SRGAP2C: variants seen among roughly 807,000 people sequenced by gnomAD.
SRGAP2C encodes SLIT-ROBO Rho GTPase-activating protein 2C.
In SRGAP2C, 15 loss-of-function variants were observed where a neutral mutation model predicts 25.1. The ratio of observed to expected loss-of-function variants is 0.60; its 90% CI spans 0.40 to 0.92. SRGAP2C has a LOEUF of 0.92. Ranked by LOEUF, SRGAP2C falls within the 40% of genes least tolerant of loss-of-function variation. SRGAP2C has a pLI of 0.00. For synonymous variants in SRGAP2C, 44 were observed against 96.6 expected (o/e 0.46, Z 3.19); for missense variants, 144 against 264.4 (o/e 0.54, Z 3.16).
chr1:121,328,349 CTGTT>C (rs1397480895), intron 4 of SRGAP2C, among the ~76,000 whole-genome samples: 8 of 148,936 alleles, frequency 5.4e-5, no homozygotes, highest in African/African-American at 2.5e-5. Flanking sequence ...GAATTTGGGT[CTGTT>C]TGTCACTAGC....
chr1:121,211,484 C>A (rs1396866928), intron 2 of SRGAP2C, among the ~76,000 whole-genome samples: 1 of 151,300 alleles, frequency 6.6e-6, no homozygotes, highest in African/African-American at 2.4e-5. Context: ...TAGGATCTCC[C>A]AGAAGATAAT....
chr1:121,277,440 T>G (rs1401048075), intron 2 of SRGAP2C, among the ~76,000 whole-genome samples: 8 of 151,062 alleles, frequency 5.3e-5, no homozygotes, highest in African/African-American at 1.9e-4. Flanking sequence ...TGAGATGAGG[T>G]CTTGCTATGT....
At position 121,346,809 on chromosome 1, in the gene SRGAP2C, G is replaced by A. The variant is rs1364513110; in HGVS notation, c.424-18484G>A. ...GAAGGAATAGTTACATGTCCCAGGCGGGAGGTCATGACAGTTGGATCTGTG... is the reference window on the plus strand; with the variant it reads ...GAAGGAATAGTTACATGTCCCAGGCAGGAGGTCATGACAGTTGGATCTGTG... On this transcript the variant is annotated intron_variant, in intron 4 of 9. Transcript: ENST00000367123. Among the ~76,000 whole-genome samples the A allele has an allele frequency of 9.9e-5, 15 of 151,308 alleles. No homozygotes were observed. The South Asian group carries it at 1.5e-3, about 15-fold the overall frequency.
chr1:121,350,171 CT>C (rs1245572180), intron 4 of SRGAP2C, among the ~76,000 whole-genome samples: 1 of 151,342 alleles, frequency 6.6e-6, no homozygotes, highest in African/African-American at 2.4e-5. Flanking sequence ...ATTCCCCAGG[CT>C]TTGAGACACC....
chr1:121,294,739 C>CA (rs1224809621), intron 3 of SRGAP2C, among the ~76,000 whole-genome samples: 2 of 140,288 alleles, frequency 1.4e-5, no homozygotes, highest in Non-Finnish European at 3.1e-5. Context: ...CATTTCTGTC[C>CA]TGCTGTGTTC....
chr1:121,191,848 A>C (rs1320378281), intron 2 of SRGAP2C, among the ~76,000 whole-genome samples: 1 of 144,216 alleles, frequency 6.9e-6, no homozygotes, highest in Non-Finnish European at 1.5e-5. Context: ...GTGGCACTGT[A>C]TGCTGAGCAG....
chr1:121,237,665 A>G (rs1268900393), intron 2 of SRGAP2C, among the ~76,000 whole-genome samples: 8 of 152,106 alleles, frequency 5.3e-5, no homozygotes, highest in African/African-American at 1.9e-4. Flanking sequence ...CCCTACCAAG[A>G]AGGGGAGTAA....
intron 4 of SRGAP2C, among the ~76,000 whole-genome samples, chr1:121,359,586 C>T (rs1570806874): frequency 6.6e-6 from 1 of 152,152 alleles, no homozygotes; most frequent in African/African-American, 2.4e-5. Flanking sequence ...TGAGCAAACT[C>T]AGTGAGATCC....
chr1:121,370,354 A>T (rs1659447610), intron 5 of SRGAP2C, among the ~76,000 whole-genome samples: 1 of 138,092 alleles, frequency 7.2e-6, no homozygotes, highest in African/African-American at 2.7e-5. Flanking sequence ...TAGTCCATGG[A>T]CCCTCTCTAA....
chr1:121,270,181 G>T lies in SRGAP2C; in HGVS notation c.68-14622G>T, dbSNP rs1656907958. Among the ~76,000 whole-genome samples, 3 of 148,376 alleles carry T rather than the reference G, an allele frequency of 2.0e-5. No homozygotes were observed. In the South Asian group the frequency reaches 6.4e-4, roughly 32 times the overall value. On this transcript the variant is annotated intron_variant, in intron 2 of 9. Transcript: ENST00000367123. ...ATCTTTCAAGTTGCAGAGGAAGAGA[G>T]ATGTCTGAACCTTTTTTACACTTGA...
intron 4 of SRGAP2C, among the ~76,000 whole-genome samples, chr1:121,351,646 T>TAAAC (rs1658911332): frequency 6.7e-6 from 1 of 148,214 alleles, no homozygotes; most frequent in Admixed American, 6.7e-5. Flanking sequence ...AATAAATAAA[T>TAAAC]AAATAACCAA....
chr1:121,312,704 G>T lies in SRGAP2C; in HGVS notation c.261-11774G>T, dbSNP rs1434664370. The stretch of plus-strand genomic sequence containing the variant: ...TGTACCCAGTAGTCATTCAGGAGCA[G>T]GTTGTTCAGTTTCCATGTAGTTGAG... On this transcript the variant is annotated intron_variant, in intron 3 of 9. Coordinates refer to ENST00000367123, the MANE Select transcript of SRGAP2C (RefSeq NM_001329984.2). 1.5e-4 allele frequency among the ~76,000 whole-genome samples: 10 copies of T among 66,376 alleles called. 1 individual carries two copies. The highest frequency in any genetic ancestry group is 4.9e-4 in the African/African-American group (9 of 18,340). 43.5% of individuals were successfully genotyped at this position (66,376 alleles called of 152,430 possible).
chr1:121,218,618 G>T (rs1553325160), intron 2 of SRGAP2C, among the ~76,000 whole-genome samples: 1 of 148,674 alleles, frequency 6.7e-6, no homozygotes, highest in Admixed American at 6.6e-5. Context: ...TGGGTGGCAG[G>T]TGCCCGTAAT....
Position 121,324,508 on chromosome 1 carries a change from C to T in SRGAP2C, c.291C>T (p.Asn97=). The change falls in exon 4 of 10, where the codon AAC becomes AAT. Residue 97 remains asparagine, a synonymous_variant. Transcript: ENST00000367123. ...ATCAGAATGTTCTCTCTCCAGTCAA[C>T]TGCTGGAATCTCCTCTTAAACCAGG... is the stretch of plus-strand genomic sequence containing the variant. ...KKDQNVLSPV[N]CWNLLLNQVK... is the part of the protein sequence containing the mutation. The T allele has an allele frequency of 1.2e-6, 2 of 1,613,056 alleles. No homozygotes were observed. The highest frequency in any genetic ancestry group is 4.5e-5 in the East Asian group (2 of 44,858).
At chr1:121,280,098 A>G (rs1391432642) in intron 2 of SRGAP2C, among the ~76,000 whole-genome samples, 6,807 of 149,760 alleles carry the variant, frequency 0.045, 539 homozygotes, top group African/African-American at 0.16. Flanking sequence ...CATATTCACA[A>G]GGTTGAGCAA....
At chr1:121,360,852 T>G (rs1659175833) in intron 4 of SRGAP2C, 1 of 151,774 alleles carries the variant, frequency 6.6e-6, no homozygotes. Context: ...AGTTTTAAAC[T>G]GGATTTTTTT....
At chr1:121,367,993 G>A (rs2772080) in intron 5 of SRGAP2C, among the ~76,000 whole-genome samples, 15 of 109,442 alleles carry the variant, frequency 1.4e-4, no homozygotes, top group East Asian at 1.2e-3. Flanking sequence ...GGAGAATGGC[G>A]TGAACCTGGG....
At chr1:121,379,095 C>T (rs1374047649) in intron 7 of SRGAP2C, among the ~76,000 whole-genome samples, 6 of 152,138 alleles carry the variant, frequency 3.9e-5, no homozygotes, top group African/African-American at 7.2e-5. Context: ...TTGTAAGTGC[C>T]GTGTACATGT....
At position 121,284,960 on chromosome 1, in the gene SRGAP2C, G is replaced by A. The variant is rs1657326395; in HGVS notation, c.225G>A (p.Leu75=). 6.5e-7 allele frequency: 1 copy of A among 1,547,396 alleles called. No individual in the cohort carries two copies. Among genetic ancestry groups the A allele is most frequent in the Non-Finnish European group, 8.7e-7 (1 of 1,145,152 alleles). The change falls in exon 3 of 10, where the codon CTG becomes CTA. Residue 75 remains leucine (L), a synonymous_variant. Transcript: ENST00000367123. ...TGGAGAAGCTGGCAGAACACTTCCT[G>A]GCCAAGACACGCAGCACCAAGGACC... ...RNLEKLAEHF[L]AKTRSTKDQQ...
Sources: allele counts gnomAD v4.1 joint callset (sites outside exome capture counted in the v4.1 genomes callset), GRCh38; gene constraint gnomAD v4.1.1; transcripts MANE v1.5; gene names NCBI Gene and HGNC (gene_info 2026-07-23, HGNC 2026-07-21).